The following LPAR3 variants were observed in gnomAD, a reference collection of about 807,000 sequenced individuals.
LPAR3 encodes the protein LPA receptor 3.
Under a neutral mutation model 17.8 loss-of-function variants are expected in LPAR3, and 7 were observed. That is an observed-to-expected ratio of 0.39 (90% CI 0.22 to 0.74). The LOEUF (loss-of-function observed/expected upper bound fraction) is 0.74, where lower values mean the gene tolerates loss of function less well. Ranked by LOEUF, LPAR3 falls within the 30% of genes least tolerant of loss-of-function variation. The pLI is 0.40. For missense variants in LPAR3, 391 were observed against 453.4 expected, an observed-to-expected ratio of 0.86 and a Z score of 1.25; for synonymous variants, 179 against 179.9, an observed-to-expected ratio of 0.99 and a Z score of 0.04.
intron 2 of LPAR3, among the ~76,000 whole-genome samples, chr1:84,827,536 T>C (rs533480362): frequency 1.5e-4 from 23 of 152,236 alleles, no homozygotes; most frequent in Admixed American, 8.5e-4. Context: ...CTTGACCAAC[T>C]GTCACCACCA....
At chr1:84,892,562 G>T (rs1371526926) in intron 1 of LPAR3, among the ~76,000 whole-genome samples, 4 of 152,236 alleles carry the variant, frequency 2.6e-5, no homozygotes, top group Non-Finnish European at 5.9e-5. Flanking sequence ...AGCGGACACA[G>T]CACAGTACCA....
Position 84,890,921 on chromosome 1 carries a change from G to A in LPAR3, c.-19+2095C>T, listed in dbSNP as rs572959775. On this transcript the variant is annotated intron_variant, in intron 1 of 2. Coordinates refer to ENST00000370611, the MANE Select transcript of LPAR3 (RefSeq NM_012152.3). ...AGTGATGTTGAGAGTGTGTGTCTGG[G>A]TGCTGCCTGGCTACAATGCTGTGTG... Among the ~76,000 whole-genome samples, 12 of 152,296 alleles carry A rather than the reference G, an allele frequency of 7.9e-5. No homozygotes were observed. In the South Asian group the frequency reaches 2.5e-3, roughly 32 times the overall value.
chr1:84,849,158 C>T (rs939586341), intron 2 of LPAR3, among the ~76,000 whole-genome samples: 3 of 151,922 alleles, frequency 2.0e-5, no homozygotes, highest in Non-Finnish European at 2.9e-5. Context: ...GGGCGGATCA[C>T]GAGGTCAAGA....
intron 2 of LPAR3, among the ~76,000 whole-genome samples, chr1:84,832,186 G>C (rs1659298707): frequency 6.6e-6 from 1 of 152,100 alleles, no homozygotes; most frequent in Admixed American, 6.6e-5. Context: ...CCCCACGAAA[G>C]GGCAGTCACA....
intron 2 of LPAR3, among the ~76,000 whole-genome samples, chr1:84,858,625 G>C (rs1301627158): frequency 6.6e-6 from 1 of 152,036 alleles, no homozygotes; most frequent in African/African-American, 2.4e-5. Context: ...TTTAGCTCCA[G>C]CATTTGAAAA....
chr1:84,863,945 C>T (rs1659989274), intron 2 of LPAR3, among the ~76,000 whole-genome samples: 1 of 152,194 alleles, frequency 6.6e-6, no homozygotes, highest in African/African-American at 2.4e-5. Context: ...GGTGCAGTGG[C>T]TCACACCTGT....
At chr1:84,839,801 T>C (rs1408099394) in intron 2 of LPAR3, among the ~76,000 whole-genome samples, 4 of 152,246 alleles carry the variant, frequency 2.6e-5, no homozygotes, top group East Asian at 3.8e-4. Context: ...CTGTGTGACC[T>C]GGGGTAACTT....
At chr1:84,830,254 T>C (rs1659255549) in intron 2 of LPAR3, among the ~76,000 whole-genome samples, 1 of 152,172 alleles carries the variant, frequency 6.6e-6, no homozygotes, top group Non-Finnish European at 1.5e-5. Context: ...AACTCCTTGG[T>C]AATTATACTT....
chr1:84,870,070 A>T (rs1033439430), intron 1 of LPAR3, among the ~76,000 whole-genome samples: 1 of 152,218 alleles, frequency 6.6e-6, no homozygotes, highest in Non-Finnish European at 1.5e-5. Context: ...AATTTTTAGC[A>T]AGCTTATAAC....
chr1:84,864,199 C>T (rs1409876703), intron 2 of LPAR3, among the ~76,000 whole-genome samples: 1 of 149,482 alleles, frequency 6.7e-6, no homozygotes, highest in Non-Finnish European at 1.5e-5. Flanking sequence ...ATGACAGAGC[C>T]AGGTCCTGTC....
rs555365957 is a variant in LPAR3, at chr1:84,863,392, C to T, written c.736+1993G>A. On this transcript the variant is annotated intron_variant, in intron 2 of 2. Transcript: ENST00000370611. ...CACCACTTTGGTAAGGCCAGCAACACCTGGTCTTACACCACCTCTCAGGGG... is the reference window on the plus strand; with the variant it reads ...CACCACTTTGGTAAGGCCAGCAACATCTGGTCTTACACCACCTCTCAGGGG... 5.3e-5 allele frequency among the ~76,000 whole-genome samples: 8 copies of T among 152,322 alleles called. No individual in the cohort carries two copies. The East Asian group carries it at 1.4e-3, about 26-fold the overall frequency.
Position 84,813,926 on chromosome 1 carries a change from G to C in LPAR3, c.982C>G (p.Leu328Val). The change falls in exon 3 of 3, where the codon CTC (leucine) becomes GTC (valine). Residue 328 changes from leucine (L) to valine (V), a missense_variant. Transcript: ENST00000370611. ...RRPSRIPSTV[L>V]SRSDTGSQYI... Reference sequence around the variant, plus strand: ...TGGCTGCCTGTGTCACTCCTGCTGAGGACTGTGGAGGGGATGCGAGAGGGA... The same window carrying C: ...TGGCTGCCTGTGTCACTCCTGCTGACGACTGTGGAGGGGATGCGAGAGGGA... 6.2e-7 allele frequency: 1 copy of C among 1,614,172 alleles called. No individual in the cohort carries two copies. The highest frequency in any genetic ancestry group is 8.5e-7 in the Non-Finnish European group (1 of 1,180,016).
At chr1:84,870,479 C>T (rs920567807) in intron 1 of LPAR3, among the ~76,000 whole-genome samples, 2 of 152,208 alleles carry the variant, frequency 1.3e-5, no homozygotes, top group African/African-American at 4.8e-5. Flanking sequence ...CTGTGAAATG[C>T]CTTTGCTGAC....
chr1:84,836,014 T>TTC (rs1218035611), intron 2 of LPAR3, among the ~76,000 whole-genome samples: 1,491 of 132,852 alleles, frequency 0.011, 54 homozygotes, highest in African/African-American at 0.041. Flanking sequence ...GCCTTTTTTT[T>TTC]TTTTTTTTTT....
chr1:84,879,316 CTTTT>C (rs1187756554), intron 1 of LPAR3, among the ~76,000 whole-genome samples: 1 of 120,602 alleles, frequency 8.3e-6, no homozygotes, highest in South Asian at 2.6e-4. Flanking sequence ...TTTCTTTTTT[CTTTT>C]TTTTTTTTTG....
chr1:84,865,820 G>A lies in LPAR3; in HGVS notation c.301C>T (p.Arg101Cys), dbSNP rs367984690. The change falls in exon 2 of 3, where the codon CGC (arginine) becomes TGC (cysteine). Residue 101 changes from arginine (R) to cysteine (C), a missense_variant. Physicochemically the swap from Arg to Cys is radical, Grantham distance 180. Coordinates refer to ENST00000370611, the MANE Select transcript of LPAR3 (RefSeq NM_012152.3). ...AGAAGCCCCTGACGGAGAAACCAGCGGTTGACAGTCAAAGTTTTTGAAACT... is the reference window on the plus strand; with the variant it reads ...AGAAGCCCCTGACGGAGAAACCAGCAGTTGACAGTCAAAGTTTTTGAAACT... The part of the protein sequence containing the change: ...GPVSKTLTVN[R>C]WFLRQGLLDS... 7.4e-6 allele frequency: 12 copies of A among 1,614,150 alleles called. No homozygotes were observed. Among genetic ancestry groups the A allele is most frequent in the Admixed American group, 1.7e-5 (1 of 60,020 alleles).
At chr1:84,853,726 C>T (rs1435138012) in intron 2 of LPAR3, among the ~76,000 whole-genome samples, 1 of 152,182 alleles carries the variant, frequency 6.6e-6, no homozygotes, top group Non-Finnish European at 1.5e-5. Flanking sequence ...GGGGACTCTC[C>T]TATTGTCTCC....
chr1:84,830,710 T>C (rs1377666860), intron 2 of LPAR3, among the ~76,000 whole-genome samples: 1 of 152,144 alleles, frequency 6.6e-6, no homozygotes, highest in Non-Finnish European at 1.5e-5. Flanking sequence ...AAAGCTGAAA[T>C]GTCAGAGAGG....
intron 1 of LPAR3, among the ~76,000 whole-genome samples, chr1:84,868,787 T>C (rs1055866528): frequency 2.6e-5 from 4 of 152,154 alleles, no homozygotes; most frequent in African/African-American, 9.7e-5. Flanking sequence ...AGACACCAAA[T>C]CTACTGATGC....
Sources: gnomAD v4.1 joint callset for allele counts (sites outside exome capture counted in the v4.1 genomes callset) on GRCh38, gnomAD v4.1.1 for gene constraint, MANE v1.5 for transcripts, NCBI Gene and HGNC (gene_info 2026-07-23, HGNC 2026-07-21) for gene names.